The following UGT1A7 variants were observed in gnomAD, a reference collection of about 807,000 sequenced individuals.
UGT1A7 encodes the protein UDP-glucuronosyltransferase 1A7.
A neutral mutation model predicts 45.6 loss-of-function variants in UGT1A7; 33 were observed. That is an observed-to-expected ratio of 0.72 (90% CI 0.55 to 0.97). The LOEUF is 0.97. Ranked by LOEUF, UGT1A7 falls within the 50% of genes least tolerant of loss-of-function variation. The pLI is 0.00. For missense variants in UGT1A7, 684 were observed against 666.2 expected, an observed-to-expected ratio of 1.03 and a Z score of -0.29; for synonymous variants, 274 against 250.6, an observed-to-expected ratio of 1.09 and a Z score of -0.88.
chr2:233,731,329 A>C (rs1284025044), intron 1 of UGT1A7, among the ~76,000 whole-genome samples: 2 of 150,010 alleles, frequency 1.3e-5, no homozygotes, highest in Admixed American at 6.7e-5. Context: ...GTACATGTGC[A>C]CAAATTGCAG....
Position 233,757,333 on chromosome 2 carries a change from C to A in UGT1A7, c.856-9701C>A, listed in dbSNP as rs574658157. Among the ~76,000 whole-genome samples the A allele has an allele frequency of 8.6e-4, 129 of 150,728 alleles. 1 individual carries two copies. Among genetic ancestry groups the A allele is most frequent in the African/African-American group, 3.1e-3 (127 of 40,864 alleles). ...GGGGGCTGGGGCCCTGAAATGGGAC[C>A]ATGACAGCTGGGTCTGAGAGACAGT... On this transcript the variant is annotated intron_variant, in intron 1 of 4. Coordinates refer to ENST00000373426, the MANE Select transcript of UGT1A7 (RefSeq NM_019077.3).
intron 1 of UGT1A7, chr2:233,743,940 C>T: frequency 7.4e-7 from 1 of 1,353,480 alleles, no homozygotes; most frequent in Non-Finnish European, 9.9e-7. Context: ...AACGGCCCAC[C>T]AGGCACTGGC....
intron 1 of UGT1A7, among the ~76,000 whole-genome samples, chr2:233,758,630 C>T (rs1481038877): frequency 6.6e-6 from 1 of 152,172 alleles, no homozygotes; most frequent in Non-Finnish European, 1.5e-5. Context: ...AAAGTACCTA[C>T]TCTAAGGAGA....
chr2:233,720,742 G>A (rs2125678345), intron 1 of UGT1A7, among the ~76,000 whole-genome samples: 1 of 144,784 alleles, frequency 6.9e-6, no homozygotes, highest in African/African-American at 2.6e-5. Flanking sequence ...GCCTCGTTCT[G>A]TCGCCCAGGC....
Position 233,682,738 on chromosome 2 carries a change from CA to C in UGT1A7, c.803del (p.Asn268IlefsTer2). ...VLEYPKPVMP[N>X]MIFIGGINCH... ...TGGAGTATCCCAAACCCGTGATGCC[CA>C]ATATGATCTTCATTGGTGGTATCAA... On this transcript the variant is annotated frameshift_variant, in exon 1 of 5. Transcript: ENST00000373426. LOFTEE classifies it high-confidence loss of function. The C allele has an allele frequency of 9.9e-6, 16 of 1,613,880 alleles. No individual in the cohort carries two copies. The highest frequency in any genetic ancestry group is 1.4e-5 in the Non-Finnish European group (16 of 1,179,830).
intron 1 of UGT1A7, chr2:233,743,488 G>A: frequency 1.5e-6 from 2 of 1,367,106 alleles, no homozygotes; most frequent in African/African-American, 3.0e-5. Context: ...TTCACTGAAG[G>A]CAGAGAAAAG....
chr2:233,769,464 CGTGT>C lies in UGT1A7; in HGVS notation c.1295+1037_1295+1040del, dbSNP rs145239529. ...GGGTGCACACGTGTGCATTCATATG[CGTGT>C]GTGTGTGTGTGCGTGTGTTTATGAG... On this transcript the variant is annotated intron_variant, in intron 4 of 4. Coordinates refer to ENST00000373426, the MANE Select transcript of UGT1A7 (RefSeq NM_019077.3). This position sits in a 1 kb window ranked among gnomAD's most constrained non-coding sequence, Gnocchi z 4.4. The C allele has an allele frequency of 5.3e-6, 8 of 1,502,902 alleles. No individual in the cohort carries two copies. The highest frequency in any genetic ancestry group is 6.4e-6 in the Non-Finnish European group (7 of 1,095,102). The allele number at this position is 1,502,902 out of a possible 1,614,324, so 93.1% of individuals were successfully genotyped here.
chr2:233,693,075 T>A, intron 1 of UGT1A7: 1 of 1,614,184 alleles, frequency 6.2e-7, no homozygotes, highest in South Asian at 1.1e-5. Context: ...TGGGGCATGG[T>A]TGTAGGTGAC....
At chr2:233,701,918 C>A (rs936190696) in intron 1 of UGT1A7, among the ~76,000 whole-genome samples, 1 of 152,056 alleles carries the variant, frequency 6.6e-6, no homozygotes, top group Non-Finnish European at 1.5e-5. Flanking sequence ...GACACCCTAA[C>A]ATCACAATTA....
At chr2:233,741,327 C>T (rs1174664524) in intron 1 of UGT1A7, among the ~76,000 whole-genome samples, 1 of 151,448 alleles carries the variant, frequency 6.6e-6, no homozygotes, top group Non-Finnish European at 1.5e-5. Flanking sequence ...TTCTACTCTA[C>T]CCAGAGTAGT....
At chr2:233,767,478 T>C (rs1699401505) in intron 2 of UGT1A7, among the ~76,000 whole-genome samples, 1 of 152,246 alleles carries the variant, frequency 6.6e-6, no homozygotes, top group Admixed American at 6.5e-5. Flanking sequence ...TCATATTAAA[T>C]AGAAGTATTT....
At chr2:233,684,518 A>G (rs2125529272) in intron 1 of UGT1A7, among the ~76,000 whole-genome samples, 1 of 152,328 alleles carries the variant, frequency 6.6e-6, no homozygotes, top group Admixed American at 6.5e-5. Flanking sequence ...TGTAGAAATT[A>G]TATATGATTC....
Position 233,744,060 on chromosome 2 carries a change from C to A in UGT1A7, c.856-22974C>A, listed in dbSNP as rs1280590393. 1.7e-5 allele frequency: 10 copies of A among 571,720 alleles called. No homozygotes were observed. The African/African-American group carries it at 2.0e-4, about 11-fold the overall frequency. 35.4% of individuals were successfully genotyped at this position (571,720 alleles called of 1,614,324 possible). On this transcript the variant is annotated intron_variant, in intron 1 of 4. Coordinates refer to ENST00000373426, the MANE Select transcript of UGT1A7 (RefSeq NM_019077.3). Reference sequence around the variant, plus strand: ...CGCAGCCACATCTCATTGGTCGAGGCCTATGAGCGCCTCGCATCCCAAGAT... The same window carrying A: ...CGCAGCCACATCTCATTGGTCGAGGACTATGAGCGCCTCGCATCCCAAGAT...
At chr2:233,752,269 G>A (rs746568947) in intron 1 of UGT1A7, 1 of 152,190 alleles carries the variant, frequency 6.6e-6, no homozygotes, top group Non-Finnish European at 1.5e-5. Flanking sequence ...AGGACTCCAG[G>A]TCTCTTGGGG....
At chr2:233,724,529 G>C (rs1336753054) in intron 1 of UGT1A7, among the ~76,000 whole-genome samples, 1 of 116,504 alleles carries the variant, frequency 8.6e-6, no homozygotes, top group East Asian at 2.7e-4. Flanking sequence ...ATGGGGTCTC[G>C]CCGGGCAGAG....
At chr2:233,717,415 G>A (rs565971108) in intron 1 of UGT1A7, among the ~76,000 whole-genome samples, 4 of 152,300 alleles carry the variant, frequency 2.6e-5, no homozygotes, top group African/African-American at 9.6e-5. Flanking sequence ...TGCCTCCCTT[G>A]AGCTGGGTGT....
intron 1 of UGT1A7, chr2:233,747,599 G>A: frequency 6.3e-7 from 1 of 1,574,950 alleles, no homozygotes; most frequent in Non-Finnish European, 8.7e-7. Flanking sequence ...GGTCTTGTGT[G>A]GAGCTACTGC....
At chr2:233,720,032 C>T (rs1386441803) in intron 1 of UGT1A7, among the ~76,000 whole-genome samples, 2 of 152,104 alleles carry the variant, frequency 1.3e-5, no homozygotes, top group Middle Eastern at 3.2e-3. Context: ...TTTTGCTTGC[C>T]TGATTTTCAG....
chr2:233,714,484 G>C (rs1019190472), intron 1 of UGT1A7, among the ~76,000 whole-genome samples: 1 of 152,166 alleles, frequency 6.6e-6, no homozygotes, highest in Admixed American at 6.5e-5. Context: ...AATGTTTCTT[G>C]TGAAGACACT....
Sources: gnomAD v4.1 joint callset for allele counts (sites outside exome capture counted in the v4.1 genomes callset) on GRCh38, gnomAD v4.1.1 for gene constraint, Gnocchi (gnomAD v3.1) non-coding constraint, MANE v1.5 for transcripts, NCBI Gene and HGNC (gene_info 2026-07-23, HGNC 2026-07-21) for gene names.